THADA: variants seen among roughly 807,000 people sequenced by gnomAD.
The protein encoded by THADA is tRNA (32-2'-O)-methyltransferase regulator THADA.
A neutral mutation model predicts 219.8 loss-of-function variants in THADA; 213 were observed. The ratio of observed to expected loss-of-function variants is 0.97; its 90% CI spans 0.87 to 1.09. The LOEUF (loss-of-function observed/expected upper bound fraction) is 1.09, where lower values mean the gene tolerates loss of function less well. THADA is among the 50% of genes least tolerant of loss of function. The probability of loss-of-function intolerance (pLI) is 0.00; values close to 1 mark genes in which losing one functional copy is unlikely to be tolerated. For missense variants in THADA, 2,956 were observed against 2,311.3 expected, an observed-to-expected ratio of 1.28 and a Z score of -5.72; for synonymous variants, 1,018 against 828.9, an observed-to-expected ratio of 1.23 and a Z score of -3.92.
chr2:43,448,164 T>A (rs926433412), intron 26 of THADA, among the ~76,000 whole-genome samples: 2 of 152,234 alleles, frequency 1.3e-5, no homozygotes, highest in Non-Finnish European at 1.5e-5. Context: ...TAGGAACCTG[T>A]GTTCTCACGA....
intron 36 of THADA, among the ~76,000 whole-genome samples, chr2:43,241,794 G>A (rs1036124473): frequency 5.3e-5 from 8 of 152,010 alleles, no homozygotes; most frequent in Non-Finnish European, 8.8e-5. Flanking sequence ...TTTCACGTGC[G>A]TGCTCACTTG....
chr2:43,428,795 A>C (rs1678853961), intron 27 of THADA, among the ~76,000 whole-genome samples: 1 of 152,170 alleles, frequency 6.6e-6, no homozygotes, highest in Non-Finnish European at 1.5e-5. Flanking sequence ...TAATTAGAGT[A>C]CGCTATTTTG....
intron 26 of THADA, among the ~76,000 whole-genome samples, chr2:43,435,594 C>G (rs1054907646): frequency 3.3e-5 from 5 of 151,806 alleles, no homozygotes; most frequent in African/African-American, 1.2e-4. Context: ...ACCAACCTGG[C>G]CAACATGGTG....
intron 30 of THADA, among the ~76,000 whole-genome samples, chr2:43,327,499 G>A (rs1679471329): frequency 6.6e-6 from 1 of 151,922 alleles, no homozygotes; most frequent in Non-Finnish European, 1.5e-5. Context: ...TTAGAAGAAT[G>A]GGAGAGGGAA....
At chr2:43,321,542 T>G (rs188373682) in intron 30 of THADA, among the ~76,000 whole-genome samples, 72 of 152,316 alleles carry the variant, frequency 4.7e-4, no homozygotes, top group African/African-American at 1.7e-3. Flanking sequence ...ATTGGGCTAG[T>G]GATTTGGAGA....
At chr2:43,477,722 C>T (rs1000783691) in intron 26 of THADA, among the ~76,000 whole-genome samples, 4 of 152,254 alleles carry the variant, frequency 2.6e-5, no homozygotes, top group African/African-American at 9.6e-5. Flanking sequence ...TCCACACTCA[C>T]TGATAGTCTC....
At chr2:43,422,443 A>G (rs529681143) in intron 28 of THADA, among the ~76,000 whole-genome samples, 1 of 152,272 alleles carries the variant, frequency 6.6e-6, no homozygotes, top group East Asian at 1.9e-4. Flanking sequence ...CCCAGAACAG[A>G]ATAATAAGGA....
At chr2:43,446,380 G>A (rs1681558944) in intron 26 of THADA, among the ~76,000 whole-genome samples, 1 of 152,178 alleles carries the variant, frequency 6.6e-6, no homozygotes, top group African/African-American at 2.4e-5. Flanking sequence ...GTGACACTGT[G>A]CTAGTTCTGG....
At chr2:43,272,356 T>G (rs1200272054) in intron 36 of THADA, among the ~76,000 whole-genome samples, 3 of 152,192 alleles carry the variant, frequency 2.0e-5, no homozygotes, top group Non-Finnish European at 4.4e-5. Context: ...GAAGTGAGCC[T>G]GAATTGCAAC....
chr2:43,243,571 C>T (rs953790203), intron 36 of THADA, among the ~76,000 whole-genome samples: 2 of 152,102 alleles, frequency 1.3e-5, no homozygotes, highest in Non-Finnish European at 2.9e-5. Flanking sequence ...CTCCTCACCT[C>T]CTTTGTTCTG....
intron 31 of THADA, among the ~76,000 whole-genome samples, chr2:43,312,885 C>G (rs1677668766): frequency 6.6e-6 from 1 of 152,216 alleles, no homozygotes; most frequent in South Asian, 2.1e-4. Context: ...GCATCCAACA[C>G]TGATAAAGTG....
intron 36 of THADA, among the ~76,000 whole-genome samples, chr2:43,253,521 C>T (rs547348973): frequency 6.6e-6 from 1 of 152,100 alleles, no homozygotes; most frequent in Non-Finnish European, 1.5e-5. Context: ...ACAGTGTTTG[C>T]GTGGGTGACC....
chr2:43,314,523 G>A (rs941261019), intron 31 of THADA, among the ~76,000 whole-genome samples: 1 of 152,070 alleles, frequency 6.6e-6, no homozygotes, highest in Non-Finnish European at 1.5e-5. Flanking sequence ...CTGTCAAAGG[G>A]GTAAATATTT....
In THADA at chr2:43,561,570, C is replaced by T. The variant is rs549525009; in HGVS notation, c.2312-1185G>A. Among the ~76,000 whole-genome samples the T allele has an allele frequency of 8.5e-5, 13 of 152,258 alleles. No homozygotes were observed. In the South Asian group the frequency reaches 2.7e-3, roughly 32 times the overall value. ...AATGAAAACTGAAAACATTATTATG[C>T]TTAGTTAATTTGAGGAATATAAATT... is the stretch of plus-strand genomic sequence containing the variant. On this transcript the variant is annotated intron_variant, in intron 15 of 37. Transcript: ENST00000405975.
intron 22 of THADA, among the ~76,000 whole-genome samples, chr2:43,515,502 T>C (rs1009762143): frequency 6.3e-5 from 9 of 143,724 alleles, no homozygotes; most frequent in African/African-American, 2.1e-4. Flanking sequence ...CAAAACAGTA[T>C]ACAGAATGAA....
intron 26 of THADA, among the ~76,000 whole-genome samples, chr2:43,469,152 G>C (rs971598310): frequency 6.6e-6 from 1 of 152,126 alleles, no homozygotes; most frequent in African/African-American, 2.4e-5. Context: ...TCAGCATACT[G>C]TAAGCAAAAG....
At chr2:43,430,782 C>T (rs1290969279) in intron 26 of THADA, 3 of 306,602 alleles carry the variant, frequency 9.8e-6, no homozygotes, top group South Asian at 2.8e-5. Flanking sequence ...TAGCAGCCTC[C>T]GTGGCTTCTA....
At chr2:43,576,998 T>C (rs1236526352) in intron 10 of THADA, 24 bp downstream of exon 10, 4 of 1,591,342 alleles carry the variant, frequency 2.5e-6, no homozygotes, top group African/African-American at 1.3e-5. Context: ...AAACAAAATA[T>C]GAGACGATAG....
intron 28 of THADA, among the ~76,000 whole-genome samples, chr2:43,405,806 C>T (rs150547781): frequency 4.6e-5 from 7 of 152,254 alleles, no homozygotes; most frequent in East Asian, 1.9e-4. Context: ...TGTTTACATA[C>T]GTTACCTATC....
Sources: gnomAD v4.1 joint callset for allele counts (sites outside exome capture counted in the v4.1 genomes callset) on GRCh38, gnomAD v4.1.1 for gene constraint, MANE v1.5 for transcripts, NCBI Gene and HGNC (gene_info 2026-07-23, HGNC 2026-07-21) for gene names.